NBAS: variants seen among roughly 807,000 people sequenced by gnomAD.
NBAS encodes NBAS subunit of NRZ tethering complex.
NBAS carries 219 observed loss-of-function variants against 302.5 expected under a neutral mutation model. The observed-to-expected ratio is 0.72, with a 90% CI of 0.65 to 0.81. The LOEUF is 0.81. NBAS is among the 30% of genes least tolerant of loss of function. NBAS has a pLI of 0.00. For missense variants in NBAS, 2,932 were observed against 2,841.6 expected, an observed-to-expected ratio of 1.03 and a Z score of -0.72; for synonymous variants, 1,118 against 1,021.6, an observed-to-expected ratio of 1.09 and a Z score of -1.80.
At chr2:14,909,366 T>TAAAAAAAAAAAAAAAA in the NBAS span, among the ~76,000 whole-genome samples, 897 of 78,344 alleles carry the variant, frequency 0.011, 73 homozygotes, top group Non-Finnish European at 0.016. Context: ...GGAGAGTTTC[T>TAAAAAAAAAAAAAAAA]AAAAAAAAAA....
the NBAS span, among the ~76,000 whole-genome samples, chr2:15,159,698 C>A: frequency 6.6e-6 from 1 of 151,872 alleles, no homozygotes; most frequent in Non-Finnish European, 1.5e-5. Flanking sequence ...TGCACAGCAA[C>A]GTGAATATTA....
At chr2:15,542,699 T>C (rs565495027) in intron 6 of NBAS, among the ~76,000 whole-genome samples, 2 of 148,624 alleles carry the variant, frequency 1.3e-5, no homozygotes, top group South Asian at 4.4e-4. Context: ...AGGTGCAAAA[T>C]AACAAAAGAA....
chr2:15,183,058 AT>A (rs1045742161), intron 50 of NBAS, among the ~76,000 whole-genome samples: 3 of 152,190 alleles, frequency 2.0e-5, no homozygotes, highest in Non-Finnish European at 4.4e-5. Flanking sequence ...GAAAAAAAAA[AT>A]CATAAGTAAC....
chr2:14,822,291 T>G, the NBAS span, among the ~76,000 whole-genome samples: 1 of 152,256 alleles, frequency 6.6e-6, no homozygotes, highest in South Asian at 2.1e-4. Flanking sequence ...CACCAGGAAA[T>G]GGCTTGAGTT....
the NBAS span, among the ~76,000 whole-genome samples, chr2:15,119,591 G>A: frequency 9.9e-5 from 15 of 152,050 alleles, no homozygotes; most frequent in Admixed American, 3.9e-4. Context: ...CACCTGCCTC[G>A]GCCTCTCAGA....
chr2:15,015,882 G>C, the NBAS span, among the ~76,000 whole-genome samples: 1 of 151,706 alleles, frequency 6.6e-6, no homozygotes, highest in South Asian at 2.1e-4. Context: ...AAAACCTAAA[G>C]ACTCTACCAA....
intron 21 of NBAS, among the ~76,000 whole-genome samples, chr2:15,439,145 C>A (rs1225778805): frequency 7.3e-5 from 11 of 151,254 alleles, no homozygotes; most frequent in African/African-American, 2.2e-4. Flanking sequence ...AATACACACA[C>A]AAAAAAAATT....
chr2:15,017,987 A>C, the NBAS span, among the ~76,000 whole-genome samples: 22 of 152,102 alleles, frequency 1.4e-4, no homozygotes, highest in Non-Finnish European at 3.1e-4. Flanking sequence ...TCTTACATTC[A>C]TAACATGGAT....
chr2:14,854,613 G>T, the NBAS span, among the ~76,000 whole-genome samples: 1 of 152,056 alleles, frequency 6.6e-6, no homozygotes, highest in African/African-American at 2.4e-5. Flanking sequence ...GGTTCAGAGA[G>T]TATCTCTGGG....
At chr2:15,071,554 G>A in the NBAS span, among the ~76,000 whole-genome samples, 1 of 151,492 alleles carries the variant, frequency 6.6e-6, no homozygotes, top group African/African-American at 2.4e-5. Flanking sequence ...AACTCGGGAG[G>A]CGGAGGTTGC....
chr2:14,947,056 T>C, the NBAS span, among the ~76,000 whole-genome samples: 1 of 152,012 alleles, frequency 6.6e-6, no homozygotes, highest in Admixed American at 6.6e-5. Context: ...AATGCCTATA[T>C]CAGAAAAGTA....
At chr2:14,954,863 G>A in the NBAS span, among the ~76,000 whole-genome samples, 1 of 152,144 alleles carries the variant, frequency 6.6e-6, no homozygotes, top group Admixed American at 6.5e-5. Context: ...AATATAAGAT[G>A]AGATTTGGGT....
At chr2:14,936,909 C>T in the NBAS span, among the ~76,000 whole-genome samples, 1 of 152,234 alleles carries the variant, frequency 6.6e-6, no homozygotes. Flanking sequence ...GGGGAGGAGA[C>T]TACCTTTTGG....
chr2:15,087,223 A>ACACACACACAC, the NBAS span, among the ~76,000 whole-genome samples: 1 of 143,192 alleles, frequency 7.0e-6, no homozygotes, highest in African/African-American at 2.6e-5. Flanking sequence ...TTTTTATACA[A>ACACACACACAC]ACACACACAC....
chr2:15,281,729 T>C (rs996265293), intron 42 of NBAS, among the ~76,000 whole-genome samples: 15 of 152,116 alleles, frequency 9.9e-5, no homozygotes, highest in Admixed American at 9.8e-4. Flanking sequence ...CTGCAGCAGG[T>C]TTGCATAATT....
At chr2:15,375,852 C>T (rs1674709026) in intron 30 of NBAS, among the ~76,000 whole-genome samples, 1 of 150,332 alleles carries the variant, frequency 6.7e-6, no homozygotes, top group Non-Finnish European at 1.5e-5. Flanking sequence ...CTACAACCAT[C>T]AAAAAGGAAT....
chr2:15,034,227 A>G, the NBAS span, among the ~76,000 whole-genome samples: 23 of 74,842 alleles, frequency 3.1e-4, no homozygotes, highest in South Asian at 0.011. Context: ...AGAGAGGGAA[A>G]GAAAGAAGGA....
the NBAS span, among the ~76,000 whole-genome samples, chr2:14,823,218 C>A: frequency 6.6e-6 from 1 of 152,142 alleles, no homozygotes; most frequent in Non-Finnish European, 1.5e-5. Context: ...TTTTTTGTAC[C>A]TAAATCCATG....
the NBAS span, among the ~76,000 whole-genome samples, chr2:14,836,708 T>TTATATGGA: frequency 5.1e-4 from 78 of 152,018 alleles, no homozygotes; most frequent in African/African-American, 1.9e-3. Context: ...ATAGCATAAT[T>TTATATGGA]CTGCGTACAG....
Sources: gnomAD v4.1 joint callset for allele counts (sites outside exome capture counted in the v4.1 genomes callset) on GRCh38, gnomAD v4.1.1 for gene constraint, MANE v1.5 for transcripts, NCBI Gene and HGNC (gene_info 2026-07-23, HGNC 2026-07-21) for gene names.